KDM2B: variants seen among roughly 807,000 people sequenced by gnomAD.
KDM2B encodes the protein lysine demethylase 2B, also known as lysine-specific demethylase 2B.
In KDM2B, 26 loss-of-function variants were observed where a neutral mutation model predicts 150.0. The observed-to-expected ratio is 0.17, with a 90% CI of 0.13 to 0.24. The LOEUF (loss-of-function observed/expected upper bound fraction) is 0.24. Ranked by LOEUF, KDM2B falls within the 10% of genes least tolerant of loss-of-function variation. The pLI is 1.00. For synonymous variants in KDM2B, 734 were observed against 729.5 expected, an observed-to-expected ratio of 1.01 and a Z score of -0.10; for missense variants, 1,265 against 1,816.9, an observed-to-expected ratio of 0.70 and a Z score of 5.52.
chr12:121,416,287 T>C, the KDM2B span: 3 of 1,614,024 alleles, frequency 1.9e-6, no homozygotes, highest in African/African-American at 2.7e-5. Flanking sequence ...CACCAAACCC[T>C]GAGTTTTCCA....
chr12:121,424,134 G>A (rs1566238077), downstream of KDM2B: 1 of 152,774 alleles, frequency 6.5e-6, no homozygotes, highest in Non-Finnish European at 1.5e-5. Context: ...ACATTCTCTA[G>A]TCGACTGCCA....
In KDM2B at chr12:121,467,324, G is replaced by C. The variant is rs544080853; in HGVS notation, c.1735-13980C>G. 4.5e-5 allele frequency: 44 copies of C among 982,240 alleles called. No homozygotes were observed. Among genetic ancestry groups the C allele is most frequent in the Non-Finnish European group, 5.1e-5 (42 of 828,912 alleles). The allele number at this position is 982,240 out of a possible 1,614,324, so 60.8% of individuals were successfully genotyped here. On this transcript the variant is annotated intron_variant, in intron 12 of 22. Transcript: ENST00000377071. The surrounding 1 kb of genome is among the most constrained non-coding windows in gnomAD (Gnocchi z 5.1). ...CTGGCTCGGGCTCGGGCTCGGGCTCGGGCTCCCGCTGCCGCGAGGAGGGAG... is the reference window on the plus strand; with the variant it reads ...CTGGCTCGGGCTCGGGCTCGGGCTCCGGCTCCCGCTGCCGCGAGGAGGGAG...
At chr12:121,502,981 T>G (rs190516457) in intron 11 of KDM2B, among the ~76,000 whole-genome samples, 9,195 of 117,850 alleles carry the variant, frequency 0.078, 320 homozygotes, top group South Asian at 0.099. Context: ...TTTTTGTGGG[T>G]TTTTTTTTTT....
intron 6 of KDM2B, among the ~76,000 whole-genome samples, chr12:121,540,227 G>A (rs1178635912): frequency 3.3e-5 from 5 of 152,160 alleles, no homozygotes; most frequent in African/African-American, 1.2e-4. Context: ...TTTAAAGGTA[G>A]AGCAGTTGAG....
intron 13 of KDM2B, among the ~76,000 whole-genome samples, chr12:121,446,427 A>G (rs543590363): frequency 6.6e-6 from 1 of 152,254 alleles, no homozygotes. Flanking sequence ...ATCTAAGAAT[A>G]TCTCTGATGA....
chr12:121,524,892 G>A, intron 8 of KDM2B: 1 of 245,304 alleles, frequency 4.1e-6, no homozygotes, highest in Non-Finnish European at 8.7e-6. Flanking sequence ...CATTCTCTGG[G>A]ACCTCAGGGG....
At chr12:121,479,581 T>C (rs563024448) in intron 12 of KDM2B, among the ~76,000 whole-genome samples, 1 of 152,116 alleles carries the variant, frequency 6.6e-6, no homozygotes, top group African/African-American at 2.4e-5. Flanking sequence ...TCAGCATCAT[T>C]GCACTGAAGC....
At chr12:121,445,469 C>A (rs1555290035) in intron 13 of KDM2B, 51 bp from the exon 14 acceptor site, 1 of 1,521,900 alleles carries the variant, frequency 6.6e-7, no homozygotes, top group Non-Finnish European at 8.8e-7. Context: ...GGAGCACGGA[C>A]CCCCAGGGGG....
At position 121,457,677 on chromosome 12, in the gene KDM2B, A is replaced by AT. The variant is rs546693523; in HGVS notation, c.1735-4334dup. On this transcript the variant is annotated intron_variant, in intron 12 of 22. Transcript: ENST00000377071. ...TCCCCAACACCAAGGCGACTTGTTG[A>AT]TTTTATCAGCCCAGGAACCATATCC... 3.5e-4 allele frequency among the ~76,000 whole-genome samples: 53 copies of AT among 151,510 alleles called. 2 individuals are homozygous for AT. In the South Asian group the frequency reaches 0.01, roughly 30 times the overall value.
At position 121,537,818 on chromosome 12, in the gene KDM2B, C is replaced by T. The variant is rs1371876302; in HGVS notation, c.684-3228G>A. Among the ~76,000 whole-genome samples the T allele has an allele frequency of 6.6e-6, 1 of 151,762 alleles. No individual in the cohort carries two copies. The highest frequency in any genetic ancestry group is 1.5e-5 in the Non-Finnish European group (1 of 67,850). On this transcript the variant is annotated intron_variant, in intron 6 of 22. Coordinates refer to ENST00000377071, the MANE Select transcript of KDM2B (RefSeq NM_032590.5). This position sits in a 1 kb window ranked among gnomAD's most constrained non-coding sequence, Gnocchi z 8.7. ...AGACACAAAGAGCGGCTCCGCGACG[C>T]CGGCCCTGTAGCCCGCGGGCGGGAG...
chr12:121,522,284 G>A (rs1464769107), intron 8 of KDM2B, among the ~76,000 whole-genome samples: 2 of 152,042 alleles, frequency 1.3e-5, no homozygotes, highest in African/African-American at 2.4e-5. Flanking sequence ...GGGAGGCCGA[G>A]GTGGGCGGAT....
chr12:121,444,384 G>C, intron 15 of KDM2B, 66 bp downstream of exon 15: 1 of 1,607,050 alleles, frequency 6.2e-7, no homozygotes, highest in Non-Finnish European at 8.5e-7. Flanking sequence ...GGGACAGGCT[G>C]GTCCCGGCCA....
At chr12:121,534,152 A>G (rs1887893603) in intron 7 of KDM2B, among the ~76,000 whole-genome samples, 1 of 152,166 alleles carries the variant, frequency 6.6e-6, no homozygotes, top group South Asian at 2.1e-4. Flanking sequence ...GATCGAGACC[A>G]TCCTGGCTAA....
At chr12:121,455,095 T>C (rs1345983978) in intron 12 of KDM2B, among the ~76,000 whole-genome samples, 2 of 152,046 alleles carry the variant, frequency 1.3e-5, no homozygotes, top group Admixed American at 6.6e-5. Context: ...GACCCCTCCC[T>C]CCGATTCACC....
intron 12 of KDM2B, among the ~76,000 whole-genome samples, chr12:121,493,435 T>C (rs1883578256): frequency 6.6e-6 from 1 of 152,104 alleles, no homozygotes. Flanking sequence ...CAGGACACTA[T>C]GTAACTTGTC....
chr12:121,432,509 G>A (rs1033816771), intron 22 of KDM2B, among the ~76,000 whole-genome samples: 1 of 152,202 alleles, frequency 6.6e-6, no homozygotes, highest in Non-Finnish European at 1.5e-5. Flanking sequence ...CAGACCACTG[G>A]GATATAGGTG....
At chr12:121,559,827 C>T (rs985514283) in intron 4 of KDM2B, among the ~76,000 whole-genome samples, 28 of 150,792 alleles carry the variant, frequency 1.9e-4, no homozygotes, top group Admixed American at 1.6e-3. Context: ...TGCTTAAACC[C>T]GGGAGGCAGA....
At chr12:121,495,164 A>T (rs1460054816) in intron 11 of KDM2B, among the ~76,000 whole-genome samples, 13 of 140,928 alleles carry the variant, frequency 9.2e-5, no homozygotes, top group East Asian at 8.3e-4. Context: ...CCCTGGCTAA[A>T]TTTTTTTTTT....
chr12:121,510,133 C>G (rs1024443401), intron 10 of KDM2B, 94 bp from the exon 11 acceptor site: 1 of 1,075,982 alleles, frequency 9.3e-7, no homozygotes, highest in African/African-American at 1.6e-5. Context: ...CCCTTTACTC[C>G]AGAGATCCAG....
Sources: allele counts gnomAD v4.1 joint callset (sites outside exome capture counted in the v4.1 genomes callset), GRCh38; gene constraint gnomAD v4.1.1; non-coding constraint Gnocchi (gnomAD v3.1); transcripts MANE v1.5; gene names NCBI Gene and HGNC (gene_info 2026-07-23, HGNC 2026-07-21).